CADM1: variants seen among roughly 807,000 people sequenced by gnomAD.
CADM1 encodes the protein cell adhesion molecule 1.
Under a neutral mutation model 53.1 loss-of-function variants are expected in CADM1, and 15 were observed. That is an observed-to-expected ratio of 0.28 (90% CI 0.19 to 0.44). The LOEUF (loss-of-function observed/expected upper bound fraction) is 0.44. Among genes scored for constraint, CADM1 ranks in the 20% least tolerant of loss-of-function variants. CADM1 has a pLI of 1.00. For missense variants in CADM1, 434 were observed against 611.3 expected (o/e 0.71, Z 3.06); for synonymous variants, 281 against 243.0 (o/e 1.16, Z -1.45).
intron 1 of CADM1, among the ~76,000 whole-genome samples, chr11:115,286,645 C>G: frequency 6.6e-6 from 1 of 152,200 alleles, no homozygotes; most frequent in East Asian, 1.9e-4. Flanking sequence ...CTAGTTGAAA[C>G]AGAACCCAAC....
At chr11:115,268,409 ACCAAT>A in intron 1 of CADM1, among the ~76,000 whole-genome samples, 1 of 152,190 alleles carries the variant, frequency 6.6e-6, no homozygotes, top group Non-Finnish European at 1.5e-5. Context: ...CAAGGAAAAA[ACCAAT>A]CCTCACCACC....
At chr11:115,330,979 T>C (rs1945114845) in intron 1 of CADM1, among the ~76,000 whole-genome samples, 1 of 152,094 alleles carries the variant, frequency 6.6e-6, no homozygotes, top group Non-Finnish European at 1.5e-5. Context: ...CAGGATTCCA[T>C]GACTAGTGGC....
At chr11:115,227,949 G>A (rs1941673765) in intron 5 of CADM1, among the ~76,000 whole-genome samples, 1 of 152,216 alleles carries the variant, frequency 6.6e-6, no homozygotes, top group African/African-American at 2.4e-5. Flanking sequence ...TGGAAAAAAA[G>A]TCTTTACAGA....
intron 1 of CADM1, among the ~76,000 whole-genome samples, chr11:115,292,384 C>T (rs1943929042): frequency 6.6e-6 from 1 of 152,090 alleles, no homozygotes; most frequent in Non-Finnish European, 1.5e-5. Flanking sequence ...TAATAGTATG[C>T]AAGGAGAAAT....
chr11:115,206,026 T>C (rs1281556550), intron 8 of CADM1, among the ~76,000 whole-genome samples: 1 of 152,154 alleles, frequency 6.6e-6, no homozygotes, highest in Non-Finnish European at 1.5e-5. Context: ...CATCACAGCT[T>C]AGCATAGCCT....
intron 8 of CADM1, among the ~76,000 whole-genome samples, chr11:115,207,055 G>A (rs2134721846): frequency 6.6e-6 from 1 of 152,130 alleles, no homozygotes; most frequent in Admixed American, 6.5e-5. Context: ...AATTCTACAA[G>A]TGTACTTTCT....
chr11:115,207,301 C>T (rs1482726761), intron 8 of CADM1: 2 of 152,154 alleles, frequency 1.3e-5, no homozygotes, highest in African/African-American at 4.8e-5. Context: ...TCTTACATTA[C>T]CTTGAGCTGA....
chr11:115,350,239 G>A (rs1163904613), intron 1 of CADM1, among the ~76,000 whole-genome samples: 1 of 152,192 alleles, frequency 6.6e-6, no homozygotes, highest in Non-Finnish European at 1.5e-5. Context: ...CCAAAGTTCT[G>A]GGATTACAGG....
At chr11:115,460,750 G>T (rs1212928707) in intron 1 of CADM1, among the ~76,000 whole-genome samples, 1 of 151,300 alleles carries the variant, frequency 6.6e-6, no homozygotes, top group Non-Finnish European at 1.5e-5. Flanking sequence ...GGAGGTAAAA[G>T]TAACTTTATA....
intron 5 of CADM1, among the ~76,000 whole-genome samples, chr11:115,224,197 G>A (rs1263901288): frequency 2.0e-5 from 3 of 151,888 alleles, no homozygotes; most frequent in South Asian, 4.2e-4. Flanking sequence ...GGGCACTATC[G>A]ATACCAGAGA....
chr11:115,429,159 A>C (rs1947973935), intron 1 of CADM1, among the ~76,000 whole-genome samples: 3 of 152,190 alleles, frequency 2.0e-5, no homozygotes, highest in African/African-American at 7.2e-5. Context: ...AAATCAAAAT[A>C]AATTTTTAAA....
rs563962281 is a variant in CADM1, at chr11:115,489,660, C to T, written c.124+14611G>A. On this transcript the variant is annotated intron_variant, in intron 1 of 11. Transcript: ENST00000331581. Reference sequence around the variant, plus strand: ...TGTCTATTGGTGGAAACAAGTTGGACGAAATGTGTAGCGGGCATATAGAAG... The same window carrying T: ...TGTCTATTGGTGGAAACAAGTTGGATGAAATGTGTAGCGGGCATATAGAAG... 3.3e-5 allele frequency among the ~76,000 whole-genome samples: 5 copies of T among 152,096 alleles called. No homozygotes were observed. In the South Asian group the frequency reaches 6.2e-4, roughly 19 times the overall value.
chr11:115,346,081 T>A (rs1489804525), intron 1 of CADM1, among the ~76,000 whole-genome samples: 2 of 125,218 alleles, frequency 1.6e-5, no homozygotes, highest in Non-Finnish European at 3.3e-5. Context: ...TGAATCATAT[T>A]ACCTTAAGAA....
intron 1 of CADM1, among the ~76,000 whole-genome samples, chr11:115,307,041 G>C (rs933828715): frequency 6.6e-6 from 1 of 151,852 alleles, no homozygotes; most frequent in African/African-American, 2.4e-5. Context: ...AGAGAGAGCT[G>C]GCATCATGCA....
At chr11:115,485,862 T>C (rs1949362280) in intron 1 of CADM1, among the ~76,000 whole-genome samples, 1 of 152,154 alleles carries the variant, frequency 6.6e-6, no homozygotes, top group Non-Finnish European at 1.5e-5. Flanking sequence ...TCTACTAAAC[T>C]CTTATTTCAA....
chr11:115,322,312 C>T (rs543695615), intron 1 of CADM1, among the ~76,000 whole-genome samples: 1 of 152,306 alleles, frequency 6.6e-6, no homozygotes, highest in East Asian at 1.9e-4. Flanking sequence ...TTTTGGAAGA[C>T]ACAAAAATGA....
chr11:115,292,889 C>A (rs1943942697), intron 1 of CADM1, among the ~76,000 whole-genome samples: 1 of 152,114 alleles, frequency 6.6e-6, no homozygotes, highest in Non-Finnish European at 1.5e-5. Flanking sequence ...TATTGATATT[C>A]TAATTTAGGA....
chr11:115,421,898 T>C (rs1026976141), intron 1 of CADM1, among the ~76,000 whole-genome samples: 4 of 152,180 alleles, frequency 2.6e-5, no homozygotes, highest in Non-Finnish European at 5.9e-5. Flanking sequence ...TCTTAAATAT[T>C]TCGGTACGAT....
chr11:115,305,372 GT>G (rs1264232100), intron 1 of CADM1, among the ~76,000 whole-genome samples: 24 of 151,870 alleles, frequency 1.6e-4, no homozygotes, highest in Non-Finnish European at 7.4e-5. Flanking sequence ...TCTCTCACTG[GT>G]TTTAATATGT....
Sources: gnomAD v4.1 joint callset for allele counts (sites outside exome capture counted in the v4.1 genomes callset) on GRCh38, gnomAD v4.1.1 for gene constraint, MANE v1.5 for transcripts, NCBI Gene and HGNC (gene_info 2026-07-23, HGNC 2026-07-21) for gene names.